Variants in COQ8A observed in about 807,000 individuals in gnomAD.
COQ8A encodes atypical kinase COQ8A, mitochondrial.
A neutral mutation model predicts 65.0 loss-of-function variants in COQ8A; 51 were observed. The ratio of observed to expected loss-of-function variants is 0.78; its 90% CI spans 0.63 to 0.99. The LOEUF (loss-of-function observed/expected upper bound fraction) is 0.99, where lower values mean the gene tolerates loss of function less well. Ranked by LOEUF, COQ8A falls within the 50% of genes least tolerant of loss-of-function variation. The pLI, the probability that COQ8A is intolerant of heterozygous loss-of-function variation, is 0.00. For synonymous variants in COQ8A, 371 were observed against 353.2 expected, an observed-to-expected ratio of 1.05 and a Z score of -0.57; for missense variants, 940 against 875.0, an observed-to-expected ratio of 1.07 and a Z score of -0.94.
At chr1:226,947,455 T>C (rs1390126924) in intron 1 of COQ8A, among the ~76,000 whole-genome samples, 1 of 152,234 alleles carries the variant, frequency 6.6e-6, no homozygotes, top group Non-Finnish European at 1.5e-5. Flanking sequence ...GTTCTTGTTA[T>C]TATTCCTATT....
chr1:226,983,096 T>C (rs768303976), intron 8 of COQ8A, 62 bp downstream of exon 8: 19 of 1,535,908 alleles, frequency 1.2e-5, no homozygotes, highest in Admixed American at 2.0e-5. Flanking sequence ...AGCTGGGGCC[T>C]GGCTCATGGA....
chr1:226,970,028 G>A (rs979770559), intron 4 of COQ8A, among the ~76,000 whole-genome samples: 3 of 152,068 alleles, frequency 2.0e-5, no homozygotes, highest in Non-Finnish European at 4.4e-5. Context: ...GTGCAGCGGC[G>A]TGATCTCGGC....
intron 4 of COQ8A, among the ~76,000 whole-genome samples, chr1:226,975,959 C>G (rs1019808282): frequency 6.6e-6 from 1 of 152,210 alleles, no homozygotes; most frequent in Non-Finnish European, 1.5e-5. Flanking sequence ...AATTTGGAAA[C>G]ATGCAAGCAG....
chr1:226,961,033 T>A (rs977043520), intron 1 of COQ8A, among the ~76,000 whole-genome samples: 1 of 152,146 alleles, frequency 6.6e-6, no homozygotes, highest in African/African-American at 2.4e-5. Flanking sequence ...TGCGCCTGAC[T>A]CAAGTCCTGG....
At chr1:226,961,761 CAT>C (rs1558188710) in intron 2 of COQ8A, among the ~76,000 whole-genome samples, 199 bp downstream of exon 2, 2 of 152,254 alleles carry the variant, frequency 1.3e-5, no homozygotes, top group African/African-American at 4.8e-5. Flanking sequence ...AACAGAATTC[CAT>C]AGACTGGTGG....
chr1:226,980,175 G>A (rs1411879816), intron 5 of COQ8A, among the ~76,000 whole-genome samples: 2 of 152,250 alleles, frequency 1.3e-5, no homozygotes, highest in East Asian at 3.8e-4. Context: ...CCCTGGCTGA[G>A]CTCTGCCCTG....
In COQ8A at chr1:226,986,901, A is replaced by C; in HGVS notation, c.*164A>C. On this transcript the variant is annotated 3_prime_UTR_variant, in exon 15 of 15. Transcript: ENST00000366777. ...AGCGCTTTCCACGGTTTCTGTTGCT[A>C]AATGGTTGTAGGGTGAGAAGTGCAA... 2.4e-6 allele frequency: 2 copies of C among 843,006 alleles called. No individual in the cohort carries two copies. The highest frequency in any genetic ancestry group is 1.8e-6 in the Non-Finnish European group (1 of 541,186). 52.2% of individuals were successfully genotyped at this position (843,006 alleles called of 1,614,324 possible).
At chr1:226,969,037 C>T (rs538310663) in intron 4 of COQ8A, among the ~76,000 whole-genome samples, 10 of 152,142 alleles carry the variant, frequency 6.6e-5, no homozygotes, top group African/African-American at 1.9e-4. Context: ...AGGGTCTTGC[C>T]GTTGATTCCA....
chr1:226,970,024 C>T (rs531657683), intron 4 of COQ8A, among the ~76,000 whole-genome samples: 5 of 152,152 alleles, frequency 3.3e-5, no homozygotes, highest in African/African-American at 7.2e-5. Context: ...TGGAGTGCAG[C>T]GGCGTGATCT....
At position 226,983,540 on chromosome 1, in the gene COQ8A, A is replaced by C; in HGVS notation, c.1081-12A>C. ...CTGGGCTAACTCCCCTGCCTCACCC[A>C]TACCCCCACAGTACCCTGGCGTGGC... On this transcript the variant is annotated splice_polypyrimidine_tract_variant and intron_variant, in intron 8 of 14. Coordinates refer to ENST00000366777, the MANE Select transcript of COQ8A (RefSeq NM_020247.5). 1 of 1,613,362 alleles carries C rather than the reference A, an allele frequency of 6.2e-7. No homozygotes were observed. The highest frequency in any genetic ancestry group is 1.7e-4 in the Middle Eastern group (1 of 6,060).
chr1:226,958,560 CATCGG>C (rs1657951666), intron 1 of COQ8A, among the ~76,000 whole-genome samples: 6 of 152,190 alleles, frequency 3.9e-5, no homozygotes, highest in Admixed American at 3.9e-4. Context: ...AGGGCAGGTT[CATCGG>C]GGCCTGCAGG....
intron 8 of COQ8A, 105 bp from the exon 9 acceptor site, chr1:226,983,447 G>T: frequency 9.3e-7 from 1 of 1,073,186 alleles, no homozygotes. Flanking sequence ...TGTGGGCTGG[G>T]GCCAGGACAC....
rs1004056777 is a variant in COQ8A, at chr1:226,949,059, C to T, written c.-10+8660C>T. 6.6e-6 allele frequency among the ~76,000 whole-genome samples: 1 copy of T among 151,964 alleles called. No homozygotes were observed. Among genetic ancestry groups the T allele is most frequent in the Admixed American group, 6.6e-5 (1 of 15,254 alleles). On this transcript the variant is annotated intron_variant, in intron 1 of 14. Coordinates refer to ENST00000366777, the MANE Select transcript of COQ8A (RefSeq NM_020247.5). The surrounding 1 kb of genome is among the most constrained non-coding windows in gnomAD (Gnocchi z 4.0). ...AGCTGGTCAGGGCAGAGCTGATTCC[C>T]AGCCCCAAGGCCCCAAGGCCCTCAC... is the stretch of plus-strand genomic sequence containing the variant.
chr1:226,961,287 C>T (rs115656234), intron 1 of COQ8A, 90 bp from the exon 2 acceptor site: 3 of 1,420,220 alleles, frequency 2.1e-6, no homozygotes, highest in South Asian at 2.3e-5. Context: ...CCCTCTGGAC[C>T]TTCTGCTCAG....
At chr1:226,985,581 T>A (rs1660052995) in intron 14 of COQ8A, among the ~76,000 whole-genome samples, 1 of 152,186 alleles carries the variant, frequency 6.6e-6, no homozygotes, top group South Asian at 2.1e-4. Context: ...TGCCTCTCAC[T>A]CTTGCCCACT....
In COQ8A at chr1:226,951,171, C is replaced by A. The variant is rs537898204; in HGVS notation, c.-9-10206C>A. On this transcript the variant is annotated intron_variant, in intron 1 of 14. Coordinates refer to ENST00000366777, the MANE Select transcript of COQ8A (RefSeq NM_020247.5). ...TGCCTCTGTGTCTCCCCTGACCACC[C>A]CCTGACCCCACACCCACGTCAGTGC... Among the ~76,000 whole-genome samples, 711 of 152,308 alleles carry A rather than the reference C, an allele frequency of 4.7e-3. 4 individuals carry two copies. The highest frequency in any genetic ancestry group is 7.9e-3 in the Non-Finnish European group (538 of 68,024).
intron 1 of COQ8A, among the ~76,000 whole-genome samples, chr1:226,941,400 GGGAGAC>G (rs1355427095): frequency 1.3e-5 from 2 of 152,174 alleles, no homozygotes; most frequent in Non-Finnish European, 2.9e-5. Flanking sequence ...GAGGGCTCTT[GGGAGAC>G]TCTTCTTTTG....
chr1:226,955,970 A>C (rs1180188991), intron 1 of COQ8A, among the ~76,000 whole-genome samples: 6 of 116,256 alleles, frequency 5.2e-5, no homozygotes, highest in Admixed American at 9.2e-5. Context: ...CCTGATTCAC[A>C]CTCTCCCTGG....
chr1:226,961,585 G>A, intron 2 of COQ8A, 23 bp downstream of exon 2: 1 of 1,598,348 alleles, frequency 6.3e-7, no homozygotes, highest in Non-Finnish European at 8.5e-7. Context: ...GGCAGTGGGA[G>A]GGGTGCTGGC....
Sources: gnomAD v4.1 joint callset for allele counts (sites outside exome capture counted in the v4.1 genomes callset) on GRCh38, gnomAD v4.1.1 for gene constraint, Gnocchi (gnomAD v3.1) non-coding constraint, MANE v1.5 for transcripts, NCBI Gene and HGNC (gene_info 2026-07-23, HGNC 2026-07-21) for gene names.